The following GRID2 variants were observed in gnomAD, a reference collection of about 807,000 sequenced individuals.
GRID2 encodes glutamate receptor ionotropic, delta-2.
Under a neutral mutation model 114.8 loss-of-function variants are expected in GRID2, and 33 were observed. The observed-to-expected ratio is 0.29, with a 90% CI of 0.22 to 0.38. GRID2 has a LOEUF of 0.38. Among genes scored for constraint, GRID2 ranks in the 10% least tolerant of loss-of-function variants. The pLI is 1.00. For missense variants in GRID2, 1,184 were observed against 1,257.7 expected, an observed-to-expected ratio of 0.94 and a Z score of 0.89; for synonymous variants, 505 against 449.9, an observed-to-expected ratio of 1.12 and a Z score of -1.55.
chr4:92,738,955 G>A (rs866154489), intron 2 of GRID2, among the ~76,000 whole-genome samples: 15 of 152,104 alleles, frequency 9.9e-5, no homozygotes, highest in Admixed American at 2.6e-4. Flanking sequence ...GGCAGGCGCC[G>A]TAACACACAG....
At chr4:93,411,139 C>G (rs1271941783) in intron 9 of GRID2, among the ~76,000 whole-genome samples, 1 of 152,098 alleles carries the variant, frequency 6.6e-6, no homozygotes, top group Non-Finnish European at 1.5e-5. Flanking sequence ...AATAATTCTT[C>G]CATCAAAAGT....
chr4:92,377,375 T>G (rs577271454), intron 1 of GRID2, among the ~76,000 whole-genome samples: 1 of 152,196 alleles, frequency 6.6e-6, no homozygotes, highest in African/African-American at 2.4e-5. Flanking sequence ...TGAGACCACC[T>G]CAGCCCAGAC....
At chr4:93,062,499 G>C (rs557521786) in intron 2 of GRID2, among the ~76,000 whole-genome samples, 73 of 152,184 alleles carry the variant, frequency 4.8e-4, no homozygotes, top group African/African-American at 1.7e-3. Context: ...AGCGTCATTA[G>C]ACATGTGTTG....
At chr4:92,404,765 CA>C (rs931662995) in intron 1 of GRID2, among the ~76,000 whole-genome samples, 53 of 152,246 alleles carry the variant, frequency 3.5e-4, no homozygotes, top group African/African-American at 1.2e-3. Flanking sequence ...TTATTTTCAG[CA>C]AACTAACACA....
chr4:92,578,958 A>C (rs1032308708), intron 1 of GRID2, among the ~76,000 whole-genome samples: 1 of 152,132 alleles, frequency 6.6e-6, no homozygotes, highest in Non-Finnish European at 1.5e-5. Context: ...ATGTTTGCCA[A>C]TTTGCTTTAT....
At chr4:93,427,294 G>A (rs957766047) in intron 10 of GRID2, among the ~76,000 whole-genome samples, 2 of 151,786 alleles carry the variant, frequency 1.3e-5, no homozygotes, top group Non-Finnish European at 2.9e-5. Flanking sequence ...CGTTGAAATG[G>A]CATAAAAATG....
At chr4:93,138,878 C>T (rs982657309) in intron 4 of GRID2, among the ~76,000 whole-genome samples, 33 of 152,186 alleles carry the variant, frequency 2.2e-4, no homozygotes, top group African/African-American at 6.3e-4. Context: ...TACCTGAAAT[C>T]GGGTCACAGT....
At chr4:93,126,790 G>T (rs1040604928) in intron 4 of GRID2, among the ~76,000 whole-genome samples, 2 of 150,890 alleles carry the variant, frequency 1.3e-5, no homozygotes, top group Non-Finnish European at 3.0e-5. Context: ...GTAGAGACGG[G>T]GTTTCACCGT....
chr4:93,453,161 G>A (rs184356588), intron 10 of GRID2, among the ~76,000 whole-genome samples: 36 of 150,828 alleles, frequency 2.4e-4, no homozygotes, highest in African/African-American at 7.1e-4. Flanking sequence ...TCCTTGCTTG[G>A]CCTTTTTTTA....
At chr4:93,014,004 C>G (rs560045504) in intron 2 of GRID2, among the ~76,000 whole-genome samples, 24 of 151,864 alleles carry the variant, frequency 1.6e-4, no homozygotes, top group Non-Finnish European at 3.5e-4. Context: ...AGAGATGTAC[C>G]TATAAAACAA....
chr4:93,565,315 A>G (rs1286940656), intron 13 of GRID2, among the ~76,000 whole-genome samples: 1 of 152,164 alleles, frequency 6.6e-6, no homozygotes, highest in East Asian at 1.9e-4. Flanking sequence ...TCATATCAAT[A>G]TCTTGATTGT....
At chr4:93,335,553 A>G (rs142061336) in intron 8 of GRID2, among the ~76,000 whole-genome samples, 2 of 152,372 alleles carry the variant, frequency 1.3e-5, no homozygotes, top group South Asian at 2.1e-4. Flanking sequence ...ACCAACCAAC[A>G]GTAACAACAA....
At chr4:93,040,955 A>G (rs1290552141) in intron 2 of GRID2, among the ~76,000 whole-genome samples, 3 of 152,160 alleles carry the variant, frequency 2.0e-5, no homozygotes, top group East Asian at 1.9e-4. Flanking sequence ...CTTGGATCTG[A>G]AACATTGTCA....
chr4:93,388,703 T>C (rs1327044245), intron 8 of GRID2, among the ~76,000 whole-genome samples: 3 of 152,202 alleles, frequency 2.0e-5, no homozygotes, highest in East Asian at 3.8e-4. Flanking sequence ...TCAGAATTTA[T>C]GTTTGCAAAG....
At chr4:92,997,227 G>A (rs1031057256) in intron 2 of GRID2, among the ~76,000 whole-genome samples, 1 of 152,174 alleles carries the variant, frequency 6.6e-6, no homozygotes, top group African/African-American at 2.4e-5. Context: ...GAAAGAGCTA[G>A]TGTGTTAGGA....
At chr4:93,615,337 TTATTA>T (rs758601121) in intron 13 of GRID2, among the ~76,000 whole-genome samples, 74 of 152,216 alleles carry the variant, frequency 4.9e-4, no homozygotes, top group Non-Finnish European at 1.0e-3. Context: ...ACTTTGGATG[TTATTA>T]TAAGTGAAAT....
chr4:93,152,556 A>G (rs571014476), intron 4 of GRID2, among the ~76,000 whole-genome samples: 27 of 152,126 alleles, frequency 1.8e-4, no homozygotes, highest in Non-Finnish European at 4.0e-4. Context: ...ACTGGTTAGC[A>G]TGTTAGCTCA....
At chr4:92,443,509 AC>A (rs533080983) in intron 1 of GRID2, among the ~76,000 whole-genome samples, 258 of 152,060 alleles carry the variant, frequency 1.7e-3, no homozygotes, top group Non-Finnish European at 3.1e-3. Flanking sequence ...GGGGGTTCTT[AC>A]CTTCCAGAAA....
At chr4:92,940,580 C>T (rs1264013957) in intron 2 of GRID2, among the ~76,000 whole-genome samples, 1 of 152,124 alleles carries the variant, frequency 6.6e-6, no homozygotes, top group Non-Finnish European at 1.5e-5. Context: ...GCCTAATTGC[C>T]CTGGCCAGAA....
Sources: gnomAD v4.1 joint callset for allele counts (sites outside exome capture counted in the v4.1 genomes callset) on GRCh38, gnomAD v4.1.1 for gene constraint, MANE v1.5 for transcripts, NCBI Gene and HGNC (gene_info 2026-07-23, HGNC 2026-07-21) for gene names.